The following VTA1 variants were observed in gnomAD, a reference collection of about 807,000 sequenced individuals.
VTA1 encodes the protein vacuolar protein sorting-associated protein VTA1 homolog.
Under a neutral mutation model 36.9 loss-of-function variants are expected in VTA1, and 24 were observed. The ratio of observed to expected loss-of-function variants is 0.65; its 90% CI spans 0.47 to 0.91. The LOEUF is 0.91. Among genes scored for constraint, VTA1 ranks in the 40% least tolerant of loss-of-function variants. VTA1 has a pLI of 0.00. For synonymous variants in VTA1, 142 were observed against 130.2 expected (o/e 1.09, Z -0.62); for missense variants, 393 against 377.2 (o/e 1.04, Z -0.35).
intron 4 of VTA1, among the ~76,000 whole-genome samples, chr6:142,186,586 TAG>T (rs1412760042): frequency 1.3e-5 from 2 of 151,820 alleles, no homozygotes; most frequent in Non-Finnish European, 2.9e-5. Flanking sequence ...AGGCAAAGTA[TAG>T]AGAGAGCTGT....
At chr6:142,166,150 A>G (rs1774908778) in intron 1 of VTA1, 78 bp from the exon 2 acceptor site, 1 of 874,326 alleles carries the variant, frequency 1.1e-6, no homozygotes, top group Admixed American at 2.8e-5. Flanking sequence ...ATTATTTATT[A>G]GCAATTATAT....
At chr6:142,198,800 T>G (rs757313763) in intron 6 of VTA1, 185 bp downstream of exon 6, 1 of 513,698 alleles carries the variant, frequency 1.9e-6, no homozygotes, top group African/African-American at 1.9e-5. Context: ...GTATTCTAAT[T>G]ATTTGAGAAA....
chr6:142,158,764 G>T (rs921721548), intron 1 of VTA1, among the ~76,000 whole-genome samples: 1 of 151,946 alleles, frequency 6.6e-6, no homozygotes, highest in Admixed American at 6.6e-5. Flanking sequence ...TACCTCCACT[G>T]TGAAGTTACT....
intron 1 of VTA1, among the ~76,000 whole-genome samples, chr6:142,164,223 T>G (rs994492548): frequency 1.3e-5 from 2 of 152,178 alleles, no homozygotes; most frequent in African/African-American, 2.4e-5. Flanking sequence ...TATTAAGATT[T>G]ATAGATATTA....
rs1776125719 is a variant in VTA1 at position 142,222,179 on chromosome 6, A to T, written c.*3536A>T. The T allele has an allele frequency of 6.6e-6, 1 of 152,218 alleles. No individual in the cohort carries two copies. Among genetic ancestry groups the T allele is most frequent in the African/African-American group, 2.4e-5 (1 of 41,454 alleles). The allele number at this position is 152,218 out of a possible 1,614,324, so 9.4% of individuals were successfully genotyped here. ...TTTTTCACCTGAATGCCTGAAAGGA[A>T]TGAGTAATCATGTACTGCAGTAGGG... On this transcript the variant is annotated 3_prime_UTR_variant, in exon 8 of 8. Coordinates refer to ENST00000367630, the MANE Select transcript of VTA1 (RefSeq NM_016485.5).
chr6:142,220,841 C>A lies in VTA1; in HGVS notation c.*2198C>A, dbSNP rs1000025043. On this transcript the variant is annotated 3_prime_UTR_variant, in exon 8 of 8. Coordinates refer to ENST00000367630, the MANE Select transcript of VTA1 (RefSeq NM_016485.5). ...TATTTACTGAATGGCTACTATATGC[C>A]TGGTATTGTTCTTTGAAAGCAGAAA... The A allele has an allele frequency of 2.6e-5, 4 of 151,644 alleles. No individual in the cohort carries two copies. Among genetic ancestry groups the A allele is most frequent in the African/African-American group, 9.7e-5 (4 of 41,266 alleles). 9.4% of individuals were successfully genotyped at this position (151,644 alleles called of 1,614,324 possible). A position where few individuals can be genotyped will look rare whatever the true frequency, so the allele number is the denominator to read the frequency against.
intron 4 of VTA1, among the ~76,000 whole-genome samples, chr6:142,186,230 A>T (rs1477966437): frequency 6.6e-6 from 1 of 152,150 alleles, no homozygotes; most frequent in Non-Finnish European, 1.5e-5. Context: ...CATGTGTAGT[A>T]ACAGAAAAAA....
In VTA1 at chr6:142,217,270, CAATTT is replaced by C. The variant is rs368958236; in HGVS notation, c.779-1223_779-1219del. Among the ~76,000 whole-genome samples, 132 of 152,164 alleles carry C rather than the reference CAATTT, an allele frequency of 8.7e-4. No individual in the cohort carries two copies. The East Asian group carries it at 0.022, about 26-fold the overall frequency. ...AAGTATATGTGTATTTTAAAATCTG[CAATTT>C]AATTAATGTTTAATTCTATATGAAC... On this transcript the variant is annotated intron_variant, in intron 7 of 7. Transcript: ENST00000367630.
rs1776066718 is a variant in VTA1, at chr6:142,219,647, C to CT, written c.*1010dup. 2.0e-5 allele frequency: 3 copies of CT among 152,076 alleles called. No homozygotes were observed. The highest frequency in any genetic ancestry group is 2.0e-4 in the Admixed American group (3 of 15,264). 9.4% of individuals were successfully genotyped at this position (152,076 alleles called of 1,614,324 possible). Reference sequence around the variant, plus strand: ...GTTTTTATTTGCCTGCTAGGATTGTCTTTTTTAAAAGTCATTTTTATTTAT... The same window carrying CT: ...GTTTTTATTTGCCTGCTAGGATTGTCTTTTTTTAAAAGTCATTTTTATTTAT... On this transcript the variant is annotated 3_prime_UTR_variant, in exon 8 of 8. Coordinates refer to ENST00000367630, the MANE Select transcript of VTA1 (RefSeq NM_016485.5).
intron 5 of VTA1, among the ~76,000 whole-genome samples, chr6:142,197,960 G>A (rs1279231102): frequency 6.6e-6 from 1 of 151,428 alleles, no homozygotes; most frequent in South Asian, 2.1e-4. Flanking sequence ...AGCCGGGAGT[G>A]GTGGCAGGCG....
In VTA1 at chr6:142,156,479, G is replaced by T. The variant is rs578195153; in HGVS notation, c.112+9080G>T. ...TCTTTAATGAAGCCGGAAAATATTT[G>T]AATCTTTACTAAAAGTGGGCACTGT... On this transcript the variant is annotated intron_variant, in intron 1 of 7. Coordinates refer to ENST00000367630, the MANE Select transcript of VTA1 (RefSeq NM_016485.5). Among the ~76,000 whole-genome samples, 3 of 152,242 alleles carry T rather than the reference G, an allele frequency of 2.0e-5. No individual in the cohort carries two copies. The South Asian group carries it at 6.2e-4, about 32-fold the overall frequency.
intron 7 of VTA1, among the ~76,000 whole-genome samples, chr6:142,208,795 T>C (rs943327871): frequency 6.6e-6 from 1 of 152,158 alleles, no homozygotes; most frequent in Non-Finnish European, 1.5e-5. Flanking sequence ...TCTAGGAATA[T>C]TGTGTCCAGC....
chr6:142,199,942 G>C (rs1444401004), intron 6 of VTA1, among the ~76,000 whole-genome samples: 4 of 152,064 alleles, frequency 2.6e-5, no homozygotes, highest in East Asian at 3.9e-4. Flanking sequence ...AATAATGTAA[G>C]TGAAACCAGC....
At chr6:142,181,078 G>GAAAAAAA (rs1162412059) in intron 4 of VTA1, among the ~76,000 whole-genome samples, 69 of 51,290 alleles carry the variant, frequency 1.3e-3, no homozygotes, top group African/African-American at 4.0e-3. Flanking sequence ...AAATGGTACA[G>GAAAAAAA]AAAAAAAAAA....
intron 1 of VTA1, among the ~76,000 whole-genome samples, chr6:142,151,747 A>G (rs1383051020): frequency 3.9e-5 from 6 of 152,264 alleles, no homozygotes; most frequent in African/African-American, 1.4e-4. Flanking sequence ...CATTTAAAAC[A>G]GCTTGGCCGA....
intron 7 of VTA1, among the ~76,000 whole-genome samples, chr6:142,210,662 A>G (rs1169762599): frequency 6.6e-6 from 1 of 152,214 alleles, no homozygotes; most frequent in African/African-American, 2.4e-5. Flanking sequence ...ATCACTAATC[A>G]TCAGAGAAAT....
intron 1 of VTA1, among the ~76,000 whole-genome samples, chr6:142,159,829 C>G (rs1199870592): frequency 6.6e-6 from 1 of 152,156 alleles, no homozygotes; most frequent in East Asian, 1.9e-4. Flanking sequence ...TATTTTACCT[C>G]TAGAAGTTTC....
Position 142,221,508 on chromosome 6 carries a change from C to T in VTA1, c.*2865C>T, listed in dbSNP as rs913700568. 1 of 152,064 alleles carries T rather than the reference C, an allele frequency of 6.6e-6. No individual in the cohort carries two copies. The highest frequency in any genetic ancestry group is 2.4e-5 in the African/African-American group (1 of 41,398). 9.4% of individuals were successfully genotyped at this position (152,064 alleles called of 1,614,324 possible). On this transcript the variant is annotated 3_prime_UTR_variant, in exon 8 of 8. Transcript: ENST00000367630. ...AGGATCATAAAGCTTTTTTGTAAGACACTTGACTGGGAGCTATATGGAAAG... is the reference window on the plus strand; with the variant it reads ...AGGATCATAAAGCTTTTTTGTAAGATACTTGACTGGGAGCTATATGGAAAG...
chr6:142,204,287 T>A (rs374658176), intron 7 of VTA1, among the ~76,000 whole-genome samples: 1 of 152,200 alleles, frequency 6.6e-6, no homozygotes, highest in African/African-American at 2.4e-5. Context: ...TGTCCCCTTT[T>A]GTTACAGTTC....
Sources: gnomAD v4.1 joint callset for allele counts (sites outside exome capture counted in the v4.1 genomes callset) on GRCh38, gnomAD v4.1.1 for gene constraint, MANE v1.5 for transcripts, NCBI Gene and HGNC (gene_info 2026-07-23, HGNC 2026-07-21) for gene names.